Variants in AGBL4 observed in about 807,000 individuals in gnomAD.
AGBL4 encodes AGBL carboxypeptidase 4.
In AGBL4, 58 loss-of-function variants were observed where a neutral mutation model predicts 66.4. That is an observed-to-expected ratio of 0.87 (90% confidence interval 0.71 to 1.09). The LOEUF (loss-of-function observed/expected upper bound fraction) is 1.09, where lower values mean the gene tolerates loss of function less well. Ranked by LOEUF, AGBL4 falls within the 50% of genes least tolerant of loss-of-function variation. The pLI is 0.00. For synonymous variants in AGBL4, 234 were observed against 222.9 expected (o/e 1.05, Z -0.44); for missense variants, 579 against 631.0 (o/e 0.92, Z 0.88).
chr1:49,899,682 T>A (rs1649578050), intron 1 of AGBL4, among the ~76,000 whole-genome samples: 1 of 152,082 alleles, frequency 6.6e-6, no homozygotes, highest in Non-Finnish European at 1.5e-5. Context: ...CAGATTTGAG[T>A]AAAATGGGAC....
At chr1:48,755,287 C>T (rs568753454) in intron 6 of AGBL4, among the ~76,000 whole-genome samples, 13 of 152,256 alleles carry the variant, frequency 8.5e-5, no homozygotes, top group Non-Finnish European at 1.8e-4. Context: ...ATCTACCATT[C>T]GTAGGACCCC....
At chr1:48,568,659 C>T (rs2148311512) in intron 11 of AGBL4, among the ~76,000 whole-genome samples, 1 of 152,322 alleles carries the variant, frequency 6.6e-6, no homozygotes, top group Non-Finnish European at 1.5e-5. Flanking sequence ...ACTTGAAGCT[C>T]CAGACAATTC....
chr1:49,931,698 A>G (rs1427471860), intron 1 of AGBL4, among the ~76,000 whole-genome samples: 1 of 152,202 alleles, frequency 6.6e-6, no homozygotes, highest in Non-Finnish European at 1.5e-5. Flanking sequence ...CCAAAAATTG[A>G]TCTAAAGATT....
intron 3 of AGBL4, among the ~76,000 whole-genome samples, chr1:49,468,912 TTCTCAAGA>T (rs1646684311): frequency 6.6e-6 from 1 of 151,822 alleles, no homozygotes; most frequent in Non-Finnish European, 1.5e-5. Context: ...AATATAAAAT[TTCTCAAGA>T]TCTCAGCTCT....
rs147145994 is a variant in AGBL4, at chr1:49,582,375, T to A, written c.282+114938A>T. Among the ~76,000 whole-genome samples, 50 of 152,204 alleles carry A rather than the reference T, an allele frequency of 3.3e-4. No homozygotes were observed. The East Asian group carries it at 7.6e-3, about 23-fold the overall frequency. On this transcript the variant is annotated intron_variant, in intron 3 of 13. Coordinates refer to ENST00000371839, the MANE Select transcript of AGBL4 (RefSeq NM_032785.4). Reference sequence around the variant, plus strand: ...AGCTGTCACAGCCTTGGCCAGCAAGTGCACATCCCAGCAAGTCTCCCTCCC... The same window carrying A: ...AGCTGTCACAGCCTTGGCCAGCAAGAGCACATCCCAGCAAGTCTCCCTCCC...
intron 1 of AGBL4, among the ~76,000 whole-genome samples, chr1:49,874,904 C>A (rs574772648): frequency 1.3e-5 from 2 of 150,818 alleles, no homozygotes; most frequent in African/African-American, 4.9e-5. Context: ...ATACATGTGA[C>A]ATGCTGGTGT....
At chr1:48,872,061 A>G (rs1204069761) in intron 5 of AGBL4, among the ~76,000 whole-genome samples, 1 of 152,152 alleles carries the variant, frequency 6.6e-6, no homozygotes, top group Non-Finnish European at 1.5e-5. Context: ...GTCATTTTCC[A>G]AATTTCCAGA....
intron 1 of AGBL4, among the ~76,000 whole-genome samples, chr1:49,983,798 T>C (rs980111161): frequency 1.3e-5 from 2 of 152,250 alleles, no homozygotes; most frequent in Non-Finnish European, 2.9e-5. Flanking sequence ...CAGTTATGCA[T>C]ACCTGGCTTT....
intron 7 of AGBL4, among the ~76,000 whole-genome samples, chr1:48,660,552 G>A (rs1257971434): frequency 2.6e-5 from 4 of 152,206 alleles, no homozygotes; most frequent in African/African-American, 4.8e-5. Context: ...GGCTGTGATC[G>A]GGCTGTCTAC....
chr1:49,336,134 G>A (rs1039854629), intron 3 of AGBL4, among the ~76,000 whole-genome samples: 9 of 152,118 alleles, frequency 5.9e-5, no homozygotes, highest in Non-Finnish European at 1.3e-4. Context: ...TCCAGTCCAA[G>A]TCTGAAAACC....
intron 4 of AGBL4, among the ~76,000 whole-genome samples, chr1:49,072,181 T>C (rs1437727487): frequency 6.6e-6 from 1 of 152,178 alleles, no homozygotes; most frequent in Non-Finnish European, 1.5e-5. Context: ...TACCAATGGG[T>C]CTTGACTCTG....
chr1:49,179,584 C>A (rs1346793775), intron 4 of AGBL4, among the ~76,000 whole-genome samples: 1 of 151,766 alleles, frequency 6.6e-6, no homozygotes, highest in Non-Finnish European at 1.5e-5. Context: ...ATTCAGAAGT[C>A]AACACTAGCA....
chr1:49,803,052 T>A (rs1644900383), intron 2 of AGBL4, among the ~76,000 whole-genome samples: 2 of 150,908 alleles, frequency 1.3e-5, no homozygotes, highest in South Asian at 2.1e-4. Flanking sequence ...ATATATGATA[T>A]ATAAGTTATA....
intron 3 of AGBL4, among the ~76,000 whole-genome samples, chr1:49,491,981 T>C (rs572365523): frequency 1.3e-5 from 2 of 151,970 alleles, no homozygotes; most frequent in Non-Finnish European, 2.9e-5. Flanking sequence ...TAACTAATAA[T>C]AAAATAGAAT....
intron 6 of AGBL4, among the ~76,000 whole-genome samples, chr1:48,713,103 A>G (rs61112195): frequency 6.6e-6 from 1 of 152,226 alleles, no homozygotes; most frequent in South Asian, 2.1e-4. Context: ...CACAAGACTC[A>G]TGGTGAGCAA....
chr1:49,383,956 C>A (rs923573285), intron 3 of AGBL4, among the ~76,000 whole-genome samples: 1 of 151,946 alleles, frequency 6.6e-6, no homozygotes, highest in Non-Finnish European at 1.5e-5. Flanking sequence ...ACCACTACGC[C>A]CAGCTAATTT....
chr1:49,878,771 C>G (rs1366407775), intron 1 of AGBL4, among the ~76,000 whole-genome samples: 1 of 145,918 alleles, frequency 6.9e-6, no homozygotes, highest in Non-Finnish European at 1.5e-5. Context: ...GTTAAAGTCT[C>G]CCATTATTAA....
At chr1:49,169,896 A>G (rs1557696844) in intron 4 of AGBL4, among the ~76,000 whole-genome samples, 1 of 152,132 alleles carries the variant, frequency 6.6e-6, no homozygotes, top group Non-Finnish European at 1.5e-5. Context: ...CAAAATTGTG[A>G]ATATTTTTCT....
intron 4 of AGBL4, among the ~76,000 whole-genome samples, chr1:49,079,299 C>G (rs945977708): frequency 6.6e-6 from 1 of 152,090 alleles, no homozygotes; most frequent in East Asian, 1.9e-4. Context: ...CACACTGCTA[C>G]AAAGAAATAC....
Sources: allele counts gnomAD v4.1 joint callset (sites outside exome capture counted in the v4.1 genomes callset), GRCh38; gene constraint gnomAD v4.1.1; transcripts MANE v1.5; gene names NCBI Gene and HGNC (gene_info 2026-07-23, HGNC 2026-07-21).